FRMD4A: variants seen among roughly 807,000 people sequenced by gnomAD.
The protein encoded by FRMD4A is FERM domain-containing protein 4A.
Under a neutral mutation model 129.1 loss-of-function variants are expected in FRMD4A, and 29 were observed. That is an observed-to-expected ratio of 0.22 (90% confidence interval 0.17 to 0.31). The LOEUF (loss-of-function observed/expected upper bound fraction) is 0.31. FRMD4A is among the 10% of genes least tolerant of loss of function. The pLI is 1.00. For missense variants in FRMD4A, 1,272 were observed against 1,375.8 expected, an observed-to-expected ratio of 0.92 and a Z score of 1.19; for synonymous variants, 634 against 571.6, an observed-to-expected ratio of 1.11 and a Z score of -1.56.
chr10:13,701,519 T>G lies in FRMD4A; in HGVS notation c.837-41A>C, dbSNP rs1311618942. On this transcript the variant is annotated intron_variant, in intron 13 of 24. Transcript: ENST00000357447. ...TCACAAGGTTCAATCCCATTTCTGT[T>G]GAGAGAAACCATTTCTCAGTCAACA... The G allele has an allele frequency of 3.2e-6, 5 of 1,585,234 alleles. No individual in the cohort carries two copies. In the Admixed American group the frequency reaches 5.2e-5, roughly 16 times the overall value.
At chr10:14,102,525 G>A (rs141412336) in intron 2 of FRMD4A, among the ~76,000 whole-genome samples, 1 of 152,138 alleles carries the variant, frequency 6.6e-6, no homozygotes, top group Non-Finnish European at 1.5e-5. Flanking sequence ...GGTATGTCAG[G>A]GTGCTCTGGA....
chr10:14,202,031 G>A (rs565670934), intron 2 of FRMD4A, among the ~76,000 whole-genome samples: 58 of 152,200 alleles, frequency 3.8e-4, no homozygotes, highest in African/African-American at 1.3e-3. Flanking sequence ...CCAGCTACTC[G>A]GGAGGCTGAG....
At chr10:13,896,967 T>C (rs912276764) in intron 2 of FRMD4A, among the ~76,000 whole-genome samples, 2 of 152,162 alleles carry the variant, frequency 1.3e-5, no homozygotes, top group African/African-American at 4.8e-5. Flanking sequence ...TGCATGAAAT[T>C]CATATATATT....
At chr10:13,816,821 C>A (rs780393659) in intron 3 of FRMD4A, among the ~76,000 whole-genome samples, 4 of 152,214 alleles carry the variant, frequency 2.6e-5, no homozygotes, top group Non-Finnish European at 5.9e-5. Flanking sequence ...AGCCCAATCG[C>A]ATTCTATTGG....
chr10:13,756,356 T>A (rs543159294), intron 8 of FRMD4A, among the ~76,000 whole-genome samples: 1 of 152,224 alleles, frequency 6.6e-6, no homozygotes, highest in Non-Finnish European at 1.5e-5. Context: ...CTAAACGTTA[T>A]TTTTTATTTT....
intron 2 of FRMD4A, among the ~76,000 whole-genome samples, chr10:14,136,757 T>C (rs1033690356): frequency 6.6e-6 from 1 of 151,930 alleles, no homozygotes; most frequent in Admixed American, 6.6e-5. Flanking sequence ...TTAATGTCTC[T>C]TGTCTTCCTT....
chr10:13,838,177 C>T (rs770359653), intron 3 of FRMD4A, among the ~76,000 whole-genome samples: 12 of 152,026 alleles, frequency 7.9e-5, no homozygotes, highest in Non-Finnish European at 1.5e-4. Flanking sequence ...AAGCCTCTAC[C>T]TCCTGGGCTC....
intron 2 of FRMD4A, among the ~76,000 whole-genome samples, chr10:14,270,971 A>G (rs1845144818): frequency 6.6e-6 from 1 of 152,210 alleles, no homozygotes; most frequent in Admixed American, 6.5e-5. Flanking sequence ...TGCAGGCTGT[A>G]CAGGAAGTGT....
chr10:13,958,289 T>A (rs1385619052), intron 2 of FRMD4A, among the ~76,000 whole-genome samples: 1 of 145,320 alleles, frequency 6.9e-6, no homozygotes, highest in Non-Finnish European at 1.5e-5. Context: ...TTGTTTTTTT[T>A]TTTTTTTTTT....
chr10:14,112,729 T>C (rs1016918928), intron 2 of FRMD4A, among the ~76,000 whole-genome samples: 1 of 152,184 alleles, frequency 6.6e-6, no homozygotes, highest in Non-Finnish European at 1.5e-5. Flanking sequence ...TTTCATCATG[T>C]TGGCCAGGCC....
intron 3 of FRMD4A, among the ~76,000 whole-genome samples, chr10:13,840,045 C>T (rs2093938373): frequency 2.6e-5 from 4 of 152,194 alleles, no homozygotes; most frequent in African/African-American, 9.7e-5. Flanking sequence ...ACATTGCTGC[C>T]TTAATACCTC....
chr10:14,164,742 A>T (rs1208877284), intron 2 of FRMD4A, among the ~76,000 whole-genome samples: 1 of 152,230 alleles, frequency 6.6e-6, no homozygotes, highest in African/African-American at 2.4e-5. Context: ...CTATAAAATG[A>T]GGTTAAAAAT....
intron 2 of FRMD4A, among the ~76,000 whole-genome samples, chr10:13,936,274 C>CT (rs2095248464): frequency 6.6e-6 from 1 of 152,170 alleles, no homozygotes; most frequent in African/African-American, 2.4e-5. Context: ...AGTCATCACT[C>CT]TAAGTCATCA....
intron 13 of FRMD4A, among the ~76,000 whole-genome samples, chr10:13,704,998 T>C (rs543201319): frequency 1.1e-3 from 170 of 152,168 alleles, no homozygotes; most frequent in African/African-American, 4.0e-3. Context: ...TGCTTGAGCC[T>C]GGAAGGTGGA....
chr10:14,076,957 C>T (rs1835647143), intron 2 of FRMD4A, among the ~76,000 whole-genome samples: 1 of 152,164 alleles, frequency 6.6e-6, no homozygotes, highest in African/African-American at 2.4e-5. Flanking sequence ...GGGAGGTGTC[C>T]AAGCTGGAGG....
intron 2 of FRMD4A, among the ~76,000 whole-genome samples, chr10:13,872,777 G>T (rs1178844185): frequency 6.6e-6 from 1 of 152,184 alleles, no homozygotes; most frequent in African/African-American, 2.4e-5. Flanking sequence ...TTATATTTTT[G>T]TCTGTTCGTT....
At chr10:13,734,945 C>A (rs1294018805) in intron 12 of FRMD4A, among the ~76,000 whole-genome samples, 1 of 151,984 alleles carries the variant, frequency 6.6e-6, no homozygotes, top group Non-Finnish European at 1.5e-5. Context: ...GCGATCTCAG[C>A]TTACTGCAAC....
intron 2 of FRMD4A, among the ~76,000 whole-genome samples, chr10:14,115,281 C>G (rs759290731): frequency 6.6e-6 from 1 of 152,252 alleles, no homozygotes; most frequent in African/African-American, 2.4e-5. Flanking sequence ...ATAGGCAAAT[C>G]TGGCTATTCC....
chr10:14,284,436 C>G (rs1198320063), intron 2 of FRMD4A, among the ~76,000 whole-genome samples: 2 of 152,052 alleles, frequency 1.3e-5, no homozygotes, highest in African/African-American at 4.8e-5. Context: ...ATCACGAGAT[C>G]AGGACATCAA....
Sources: allele counts gnomAD v4.1 joint callset (sites outside exome capture counted in the v4.1 genomes callset), GRCh38; gene constraint gnomAD v4.1.1; transcripts MANE v1.5; gene names NCBI Gene and HGNC (gene_info 2026-07-23, HGNC 2026-07-21).